NAALADL2: variants seen among roughly 807,000 people sequenced by gnomAD.
The protein encoded by NAALADL2 is inactive N-acetylated-alpha-linked acidic dipeptidase-like protein 2.
A neutral mutation model predicts 87.2 loss-of-function variants in NAALADL2; 76 were observed. That is an observed-to-expected ratio of 0.87 (90% CI 0.72 to 1.05). The LOEUF is 1.05. NAALADL2 is among the 50% of genes least tolerant of loss of function. The pLI is 0.00. For missense variants in NAALADL2, 1,089 were observed against 945.8 expected, an observed-to-expected ratio of 1.15 and a Z score of -1.99; for synonymous variants, 354 against 331.0, an observed-to-expected ratio of 1.07 and a Z score of -0.75.
intron 2 of NAALADL2, among the ~76,000 whole-genome samples, chr3:174,633,436 A>T (rs1023550372): frequency 6.6e-6 from 1 of 152,202 alleles, no homozygotes; most frequent in Non-Finnish European, 1.5e-5. Context: ...ACTTTTATCC[A>T]TCTTGAATTT....
At chr3:174,650,136 T>C (rs909546190) in intron 2 of NAALADL2, among the ~76,000 whole-genome samples, 1 of 152,164 alleles carries the variant, frequency 6.6e-6, no homozygotes, top group African/African-American at 2.4e-5. Context: ...TACCTTCAGA[T>C]GATGGTGAAA....
chr3:175,707,925 CA>C (rs1314524269), intron 11 of NAALADL2, among the ~76,000 whole-genome samples: 1 of 151,558 alleles, frequency 6.6e-6, no homozygotes, highest in African/African-American at 2.4e-5. Flanking sequence ...GTGCATATTC[CA>C]AGTTCAGGAA....
At chr3:175,127,294 C>T (rs1051100966) in intron 2 of NAALADL2, among the ~76,000 whole-genome samples, 3 of 152,098 alleles carry the variant, frequency 2.0e-5, no homozygotes, top group Admixed American at 2.0e-4. Flanking sequence ...GCCTGTGGTA[C>T]CTTGGATGAT....
intron 2 of NAALADL2, among the ~76,000 whole-genome samples, chr3:174,649,119 G>A (rs992027135): frequency 7.3e-5 from 11 of 151,580 alleles, no homozygotes; most frequent in Admixed American, 1.3e-4. Context: ...TCCTGCCACC[G>A]AGCCCAGCTA....
intron 3 of NAALADL2, among the ~76,000 whole-genome samples, chr3:174,774,604 A>C (rs1033262095): frequency 1.3e-5 from 2 of 152,162 alleles, no homozygotes; most frequent in Non-Finnish European, 2.9e-5. Context: ...TACTAAGTAC[A>C]TGTCTTTTTC....
At chr3:175,258,273 A>T (rs1004432841) in intron 4 of NAALADL2, among the ~76,000 whole-genome samples, 3 of 139,174 alleles carry the variant, frequency 2.2e-5, no homozygotes, top group Non-Finnish European at 4.5e-5. Context: ...ACGCCACTGC[A>T]CTCCAGCCTG....
intron 6 of NAALADL2, among the ~76,000 whole-genome samples, chr3:175,447,866 T>C (rs1009095316): frequency 1.3e-5 from 2 of 152,172 alleles, no homozygotes; most frequent in South Asian, 2.1e-4. Flanking sequence ...TCAGGCCTTG[T>C]TGGACCACGT....
rs111690614 is a variant in NAALADL2, at chr3:174,763,250, A to G, written c.-9+25504A>G. 5.9e-5 allele frequency among the ~76,000 whole-genome samples: 9 copies of G among 152,290 alleles called. 1 individual carries two copies. Among genetic ancestry groups the G allele is most frequent in the African/African-American group, 2.2e-4 (9 of 41,564 alleles). On this transcript the variant is annotated intron_variant, in intron 3 of 3. Transcript: ENST00000434257. ...GTGATATATGAATATAATAATTAATATGATGAAATTTCACAATTTTATGTA... is the reference window on the plus strand; with the variant it reads ...GTGATATATGAATATAATAATTAATGTGATGAAATTTCACAATTTTATGTA...
chr3:174,847,808 A>G (rs900988105), intron 3 of NAALADL2, among the ~76,000 whole-genome samples: 2 of 148,832 alleles, frequency 1.3e-5, no homozygotes, highest in African/African-American at 4.9e-5. Flanking sequence ...GTATTTGAAA[A>G]AAAAAAAAAG....
chr3:174,908,747 T>C (rs955936417), intron 1 of NAALADL2, among the ~76,000 whole-genome samples: 6 of 152,136 alleles, frequency 3.9e-5, no homozygotes, highest in African/African-American at 1.4e-4. Flanking sequence ...AGTTTACATG[T>C]TTGTTTCAAA....
At chr3:174,931,913 A>G (rs143622653) in intron 1 of NAALADL2, among the ~76,000 whole-genome samples, 79 of 152,334 alleles carry the variant, frequency 5.2e-4, no homozygotes, top group African/African-American at 1.9e-3. Context: ...GAAATTTATA[A>G]TTCATGAGTT....
At chr3:174,743,115 A>C (rs1733913822) in intron 3 of NAALADL2, among the ~76,000 whole-genome samples, 1 of 151,770 alleles carries the variant, frequency 6.6e-6, no homozygotes, top group Non-Finnish European at 1.5e-5. Context: ...ATATCCTATC[A>C]ACGAAATAAG....
chr3:175,016,397 A>G (rs13319059), intron 1 of NAALADL2, among the ~76,000 whole-genome samples: 5,990 of 151,110 alleles, frequency 0.04, 147 homozygotes, highest in African/African-American at 0.065. Flanking sequence ...CTTAGGATAT[A>G]TTGCTCATTG....
intron 12 of NAALADL2, among the ~76,000 whole-genome samples, chr3:175,748,551 CTG>C (rs1217488903): frequency 6.6e-6 from 1 of 152,194 alleles, no homozygotes; most frequent in Non-Finnish European, 1.5e-5. Context: ...ACCTTTAAAA[CTG>C]TGGTAAGCTC....
intron 2 of NAALADL2, among the ~76,000 whole-genome samples, chr3:174,649,294 C>T (rs1040704600): frequency 6.6e-6 from 1 of 152,080 alleles, no homozygotes; most frequent in Non-Finnish European, 1.5e-5. Context: ...GTATTACTCT[C>T]TATGACTTGT....
intron 3 of NAALADL2, among the ~76,000 whole-genome samples, chr3:174,811,839 C>A (rs1362504306): frequency 6.6e-6 from 1 of 152,150 alleles, no homozygotes; most frequent in Non-Finnish European, 1.5e-5. Context: ...GAGGTGGAGC[C>A]TGGTGTGAGA....
At chr3:174,622,129 G>A (rs1209018723) in intron 2 of NAALADL2, among the ~76,000 whole-genome samples, 1 of 152,020 alleles carries the variant, frequency 6.6e-6, no homozygotes. Flanking sequence ...TGTTCTTTTT[G>A]CTATAACTTA....
chr3:175,478,501 G>T (rs1726025893), intron 9 of NAALADL2, among the ~76,000 whole-genome samples: 1 of 151,910 alleles, frequency 6.6e-6, no homozygotes, highest in Admixed American at 6.6e-5. Context: ...GATAACAAGA[G>T]AAGTCTTAGT....
intron 2 of NAALADL2, among the ~76,000 whole-genome samples, chr3:175,175,186 T>C (rs1735530541): frequency 6.6e-6 from 1 of 152,046 alleles, no homozygotes; most frequent in Admixed American, 6.6e-5. Flanking sequence ...TTACCCTTTT[T>C]CCAAGAAAGA....
Sources: gnomAD v4.1 joint callset for allele counts (sites outside exome capture counted in the v4.1 genomes callset) on GRCh38, gnomAD v4.1.1 for gene constraint, MANE v1.5 for transcripts, NCBI Gene and HGNC (gene_info 2026-07-23, HGNC 2026-07-21) for gene names.